The following PPP2R3A variants were observed in gnomAD, a reference collection of about 807,000 sequenced individuals.
The protein encoded by PPP2R3A is protein phosphatase 2 regulatory subunit B''alpha.
A neutral mutation model predicts 106.9 loss-of-function variants in PPP2R3A; 80 were observed. The observed-to-expected ratio is 0.75, with a 90% CI of 0.62 to 0.90. The LOEUF (loss-of-function observed/expected upper bound fraction) is 0.90, where lower values mean the gene tolerates loss of function less well. PPP2R3A is among the 40% of genes least tolerant of loss of function. The pLI, the probability that PPP2R3A is intolerant of heterozygous loss-of-function variation, is 0.00. For missense variants in PPP2R3A, 1,386 were observed against 1,350.4 expected, an observed-to-expected ratio of 1.03 and a Z score of -0.41; for synonymous variants, 483 against 468.3, an observed-to-expected ratio of 1.03 and a Z score of -0.41.
intron 5 of PPP2R3A, among the ~76,000 whole-genome samples, chr3:136,057,897 C>CA (rs1935929380): frequency 6.6e-6 from 1 of 152,006 alleles, no homozygotes; most frequent in African/African-American, 2.4e-5. Flanking sequence ...GGAGTTTCCT[C>CA]AAAAAATTAA....
At chr3:136,020,302 AATTT>A (rs1214350007) in intron 2 of PPP2R3A, among the ~76,000 whole-genome samples, 3 of 152,186 alleles carry the variant, frequency 2.0e-5, no homozygotes, top group African/African-American at 4.8e-5. Flanking sequence ...CTCAGGCATT[AATTT>A]ATTCTGATGT....
chr3:136,118,531 T>A (rs1937868583), intron 13 of PPP2R3A, among the ~76,000 whole-genome samples: 1 of 152,218 alleles, frequency 6.6e-6, no homozygotes, highest in African/African-American at 2.4e-5. Context: ...CAGCAAAGTC[T>A]CAGGATACAA....
intron 5 of PPP2R3A, among the ~76,000 whole-genome samples, chr3:136,059,313 G>C (rs886604862): frequency 5.9e-5 from 9 of 151,834 alleles, no homozygotes; most frequent in Admixed American, 2.0e-4. Flanking sequence ...AAAAAAGTGA[G>C]CAAAATACAT....
chr3:136,073,571 T>C (rs1459495545), intron 6 of PPP2R3A, among the ~76,000 whole-genome samples: 1 of 152,206 alleles, frequency 6.6e-6, no homozygotes, highest in Non-Finnish European at 1.5e-5. Flanking sequence ...GATAAAATGA[T>C]GATAATATGG....
chr3:136,089,465 T>G (rs1455719811), intron 9 of PPP2R3A, among the ~76,000 whole-genome samples: 1 of 152,136 alleles, frequency 6.6e-6, no homozygotes, highest in Non-Finnish European at 1.5e-5. Flanking sequence ...ACCAGTACCA[T>G]GCTGTTTTGG....
At chr3:136,042,140 A>G (rs1018479332) in intron 4 of PPP2R3A, among the ~76,000 whole-genome samples, 20 of 152,258 alleles carry the variant, frequency 1.3e-4, no homozygotes, top group African/African-American at 4.3e-4. Context: ...CCTTAATAGG[A>G]TAATGCTTGA....
chr3:135,968,422 T>C (rs1010319819), intron 1 of PPP2R3A, among the ~76,000 whole-genome samples: 1 of 152,118 alleles, frequency 6.6e-6, no homozygotes, highest in East Asian at 1.9e-4. Flanking sequence ...CAGGAGTTAC[T>C]AGGTGAAGCT....
At chr3:136,127,056 G>GA (rs1372459745) in intron 13 of PPP2R3A, among the ~76,000 whole-genome samples, 1 of 152,196 alleles carries the variant, frequency 6.6e-6, no homozygotes, top group Non-Finnish European at 1.5e-5. Flanking sequence ...CAAAGATGGG[G>GA]AGAAACCAGA....
intron 1 of PPP2R3A, among the ~76,000 whole-genome samples, chr3:135,967,200 A>G (rs996800284): frequency 6.6e-6 from 1 of 152,184 alleles, no homozygotes; most frequent in East Asian, 1.9e-4. Context: ...TAGATCTTTT[A>G]TACAATCTAG....
At position 136,131,558 on chromosome 3, in the gene PPP2R3A, G is replaced by A. The variant is rs545615408; in HGVS notation, c.3330-13485G>A. Among the ~76,000 whole-genome samples the A allele has an allele frequency of 3.9e-5, 6 of 152,336 alleles. No homozygotes were observed. In the South Asian group the frequency reaches 1.2e-3, roughly 32 times the overall value. ...GGAGAAATAGGAATGCTTTTACACT[G>A]TTGGTGGGAGTGTAAATTAGTTGAA... On this transcript the variant is annotated intron_variant, in intron 13 of 13. Coordinates refer to ENST00000264977, the MANE Select transcript of PPP2R3A (RefSeq NM_002718.5).
At chr3:136,088,488 A>T (rs1392418715) in intron 9 of PPP2R3A, among the ~76,000 whole-genome samples, 1 of 152,198 alleles carries the variant, frequency 6.6e-6, no homozygotes, top group East Asian at 1.9e-4. Context: ...TTCTTTATCC[A>T]GTCTACTGTT....
At chr3:136,103,613 A>G (rs776254246) in intron 12 of PPP2R3A, among the ~76,000 whole-genome samples, 20 of 152,192 alleles carry the variant, frequency 1.3e-4, no homozygotes, top group African/African-American at 2.4e-4. Flanking sequence ...CGGACTCTAT[A>G]GCTCATCTAC....
At position 136,027,026 on chromosome 3, in the gene PPP2R3A, C is replaced by G. The variant is rs751923200; in HGVS notation, c.2190C>G (p.Ser730Arg). The G allele has an allele frequency of 6.2e-6, 10 of 1,612,978 alleles. No individual in the cohort carries two copies. Among genetic ancestry groups the G allele is most frequent in the African/African-American group, 1.3e-5 (1 of 74,994 alleles). The change falls in exon 3 of 14, where the codon AGC (serine) becomes AGG (arginine). Residue 730 changes from serine to arginine, a missense_variant. Ser to Arg is a moderately radical substitution (Grantham distance 110). Coordinates refer to ENST00000264977, the MANE Select transcript of PPP2R3A (RefSeq NM_002718.5). The part of the protein sequence containing the change: ...DTCSNHEQTL[S>R]RIETAFMDIE... ...GTAGTAATCATGAACAAACTCTAAG[C>G]AGAATTGAAACTGCTTTCATGGATA...
chr3:136,012,007 A>ACACG, intron 2 of PPP2R3A, among the ~76,000 whole-genome samples: 1 of 151,728 alleles, frequency 6.6e-6, no homozygotes, highest in South Asian at 2.1e-4. Context: ...ACACACACAC[A>ACACG]CACACACTCT....
At chr3:136,124,128 A>G (rs1938095603) in intron 13 of PPP2R3A, among the ~76,000 whole-genome samples, 1 of 152,232 alleles carries the variant, frequency 6.6e-6, no homozygotes, top group Non-Finnish European at 1.5e-5. Context: ...CTTAAGATGC[A>G]TAGGTCAAAG....
At chr3:136,050,736 T>C (rs1014635858) in intron 5 of PPP2R3A, among the ~76,000 whole-genome samples, 3 of 151,784 alleles carry the variant, frequency 2.0e-5, no homozygotes, top group African/African-American at 7.2e-5. Context: ...GGTCTTCTAC[T>C]CTGCAGAAAT....
rs1333579306 is a variant in PPP2R3A at position 136,027,079 on chromosome 3, A to C, written c.2243A>C (p.Glu748Ala). 1 of 1,612,996 alleles carries C rather than the reference A, an allele frequency of 6.2e-7. No homozygotes were observed. The highest frequency in any genetic ancestry group is 8.5e-7 in the Non-Finnish European group (1 of 1,179,460). Residue 748 changes from glutamate to alanine, a missense_variant, in exon 3 of 14, where the codon GAA becomes GCA. Coordinates refer to ENST00000264977, the MANE Select transcript of PPP2R3A (RefSeq NM_002718.5). The part of the protein sequence containing the change: ...DIEEQKADIY[E>A]MGKIAKVCGC... ...GAAGAACAGAAAGCAGACATTTATGAAATGGGGAAAATTGCAAAGGTAATG... is the reference window on the plus strand; with the variant it reads ...GAAGAACAGAAAGCAGACATTTATGCAATGGGGAAAATTGCAAAGGTAATG...
intron 13 of PPP2R3A, among the ~76,000 whole-genome samples, chr3:136,140,462 A>C (rs1344373796): frequency 6.9e-6 from 1 of 145,638 alleles, no homozygotes; most frequent in Non-Finnish European, 1.5e-5. Context: ...AAAAAAAAAA[A>C]AACCCGGGCT....
chr3:136,035,675 C>T (rs1935060780), intron 3 of PPP2R3A, among the ~76,000 whole-genome samples: 1 of 152,156 alleles, frequency 6.6e-6, no homozygotes. Flanking sequence ...TTTATCTTAA[C>T]TTTAGATTAC....
Sources: allele counts gnomAD v4.1 joint callset (sites outside exome capture counted in the v4.1 genomes callset), GRCh38; gene constraint gnomAD v4.1.1; transcripts MANE v1.5; gene names NCBI Gene and HGNC (gene_info 2026-07-23, HGNC 2026-07-21).